The following COL26A1 variants were observed in gnomAD, a reference collection of about 807,000 sequenced individuals.
COL26A1 encodes the protein collagen alpha-1(XXVI) chain.
COL26A1 carries 41 observed loss-of-function variants against 59.3 expected under a neutral mutation model. That is an observed-to-expected ratio of 0.69 (90% CI 0.54 to 0.90). The LOEUF is 0.90. Among genes scored for constraint, COL26A1 ranks in the 40% least tolerant of loss-of-function variants. The pLI is 0.00. For missense variants in COL26A1, 612 were observed against 602.3 expected (o/e 1.02, Z -0.17); for synonymous variants, 266 against 256.0 (o/e 1.04, Z -0.37).
Position 101,489,739 on chromosome 7 carries a change from C to CTCTCTCTT in COL26A1, c.385+41955_385+41956insCTCTTTCT, listed in dbSNP as rs1794371338. On this transcript the variant is annotated intron_variant, in intron 3 of 12. Transcript: ENST00000313669. ...ATTCTTTCTTTCTCTCTCTCTTTCT[C>CTCTCTCTT]TCTTTCTTTCTTGTCTCTCTTTCTT... Among the ~76,000 whole-genome samples, 2 of 50,490 alleles carry CTCTCTCTT rather than the reference C, an allele frequency of 4.0e-5. 1 individual carries two copies. The highest frequency in any genetic ancestry group is 3.2e-4 in the African/African-American group (2 of 6,196). The allele number at this position is 50,490 out of a possible 152,430, so 33.1% of individuals were successfully genotyped here.
At position 101,426,390 on chromosome 7, in the gene COL26A1, G is replaced by T. The variant is rs115897488; in HGVS notation, c.281+6291G>T. 7.5e-3 allele frequency among the ~76,000 whole-genome samples: 1,149 copies of T among 152,202 alleles called. 14 individuals are homozygous for T. The highest frequency in any genetic ancestry group is 0.027 in the African/African-American group (1,108 of 41,544). On this transcript the variant is annotated intron_variant, in intron 2 of 12. Transcript: ENST00000313669. ...ACAATCTATCTGGGAGAGGCGGCCA[G>T]GTCTCAGCCATGAAGATCCTGGGAT...
chr7:101,488,671 C>G (rs956557877), intron 3 of COL26A1, among the ~76,000 whole-genome samples: 1 of 152,068 alleles, frequency 6.6e-6, no homozygotes, highest in Non-Finnish European at 1.5e-5. Flanking sequence ...CCACCGCGCC[C>G]GAACTTTAAC....
At chr7:101,430,088 C>T (rs1792744196) in intron 2 of COL26A1, among the ~76,000 whole-genome samples, 1 of 152,084 alleles carries the variant, frequency 6.6e-6, no homozygotes, top group Non-Finnish European at 1.5e-5. Flanking sequence ...TGGTATCTCT[C>T]TCCATTTACT....
intron 3 of COL26A1, among the ~76,000 whole-genome samples, chr7:101,463,218 T>C (rs1333480140): frequency 6.6e-6 from 1 of 152,226 alleles, no homozygotes; most frequent in Non-Finnish European, 1.5e-5. Flanking sequence ...CCCTTTTTCA[T>C]CTTGCAAATT....
chr7:101,486,521 G>A (rs1277792262), intron 3 of COL26A1, among the ~76,000 whole-genome samples: 2 of 152,234 alleles, frequency 1.3e-5, no homozygotes, highest in African/African-American at 2.4e-5. Flanking sequence ...TCACCCGCCC[G>A]CCCTGGCCCT....
chr7:101,406,643 CCTT>C (rs1792135794), intron 1 of COL26A1, among the ~76,000 whole-genome samples: 1 of 152,158 alleles, frequency 6.6e-6, no homozygotes, highest in Admixed American at 6.5e-5. Flanking sequence ...CTCTGAGTTC[CCTT>C]CTTTAAAAAC....
chr7:101,403,924 T>C (rs1266015035), intron 1 of COL26A1, among the ~76,000 whole-genome samples: 4 of 152,184 alleles, frequency 2.6e-5, no homozygotes, highest in African/African-American at 7.2e-5. Context: ...GGTGAAACCC[T>C]GTCTCTACTA....
intron 2 of COL26A1, 133 bp from the exon 3 acceptor site, chr7:101,447,551 G>T: frequency 1.6e-6 from 1 of 625,950 alleles, no homozygotes. Context: ...ACGGACCCCG[G>T]CAGTGGTTTC....
chr7:101,551,015 A>C, intron 9 of COL26A1, 93 bp from the exon 10 acceptor site: 1 of 1,378,020 alleles, frequency 7.3e-7, no homozygotes, highest in Non-Finnish European at 1.0e-6. Context: ...CTGCAGACTC[A>C]GAGCACAGTG....
intron 3 of COL26A1, among the ~76,000 whole-genome samples, chr7:101,485,655 C>T (rs1423204402): frequency 6.6e-6 from 1 of 152,166 alleles, no homozygotes; most frequent in Non-Finnish European, 1.5e-5. Context: ...CCCCAGTGCC[C>T]TGGACAGGGT....
At chr7:101,556,993 GTGGATGGATGGATGGATGGATGGATGGA>G (rs72354212) in intron 12 of COL26A1, among the ~76,000 whole-genome samples, 2 of 144,666 alleles carry the variant, frequency 1.4e-5, no homozygotes, top group African/African-American at 2.6e-5. Context: ...GGATGGATGG[GTGGATGGATGGATGGATGGATGGATGGA>G]TGGATGGATG....
intron 3 of COL26A1, among the ~76,000 whole-genome samples, chr7:101,490,188 G>A (rs906194651): frequency 2.5e-4 from 38 of 151,426 alleles, no homozygotes; most frequent in African/African-American, 7.5e-4. Flanking sequence ...TGCCCGCCTC[G>A]GACTCCCAAA....
At chr7:101,474,942 C>T (rs751049101) in intron 3 of COL26A1, among the ~76,000 whole-genome samples, 112 of 152,194 alleles carry the variant, frequency 7.4e-4, no homozygotes, top group African/African-American at 2.5e-3. Context: ...CCTGTAATCC[C>T]AGCACTCTGG....
At chr7:101,475,785 T>TTCCTTCCTTCC (rs1794020705) in intron 3 of COL26A1, among the ~76,000 whole-genome samples, 1 of 100,822 alleles carries the variant, frequency 9.9e-6, no homozygotes, top group African/African-American at 8.5e-5. Context: ...TCTTTCTTTC[T>TTCCTTCCTTCC]TTCCTTCCTT....
At chr7:101,524,424 T>C (rs1486234334) in intron 3 of COL26A1, among the ~76,000 whole-genome samples, 1 of 152,208 alleles carries the variant, frequency 6.6e-6, no homozygotes, top group Non-Finnish European at 1.5e-5. Context: ...TGCTCTGTTG[T>C]TTCCAGAGGT....
At chr7:101,468,105 C>G (rs574201789) in intron 3 of COL26A1, among the ~76,000 whole-genome samples, 40 of 152,050 alleles carry the variant, frequency 2.6e-4, no homozygotes, top group South Asian at 8.3e-4. Flanking sequence ...GAGTTCAAGA[C>G]CAGCCTGACC....
At chr7:101,407,268 C>A (rs1006323402) in intron 1 of COL26A1, among the ~76,000 whole-genome samples, 1 of 152,292 alleles carries the variant, frequency 6.6e-6, no homozygotes, top group South Asian at 2.1e-4. Flanking sequence ...AACTCCCCTA[C>A]AGGATGTTGG....
chr7:101,387,629 C>T (rs534342034), intron 1 of COL26A1, among the ~76,000 whole-genome samples: 1 of 129,462 alleles, frequency 7.7e-6, no homozygotes, highest in African/African-American at 3.1e-5. Flanking sequence ...TTCTCTCTCT[C>T]GCTCTCTCTC....
chr7:101,486,544 T>C (rs1794273819), intron 3 of COL26A1, among the ~76,000 whole-genome samples: 1 of 152,232 alleles, frequency 6.6e-6, no homozygotes, highest in East Asian at 1.9e-4. Flanking sequence ...CGTCAGCAGC[T>C]GCAGGGAAGA....
Sources: gnomAD v4.1 joint callset for allele counts (sites outside exome capture counted in the v4.1 genomes callset) on GRCh38, gnomAD v4.1.1 for gene constraint, MANE v1.5 for transcripts, NCBI Gene and HGNC (gene_info 2026-07-23, HGNC 2026-07-21) for gene names.